Variants in RASGRF2 observed in about 807,000 individuals in gnomAD.
RASGRF2 encodes Ras protein specific guanine nucleotide releasing factor 2, also known as ras-specific guanine nucleotide-releasing factor 2.
In RASGRF2, 76 loss-of-function variants were observed where a neutral mutation model predicts 151.0. The ratio of observed to expected loss-of-function variants is 0.50; its 90% confidence interval spans 0.42 to 0.61. The LOEUF is 0.61. Among genes scored for constraint, RASGRF2 ranks in the 20% least tolerant of loss-of-function variants. RASGRF2 has a pLI of 0.00. For missense variants in RASGRF2, 1,148 were observed against 1,564.6 expected, an observed-to-expected ratio of 0.73 and a Z score of 4.49; for synonymous variants, 504 against 566.5, an observed-to-expected ratio of 0.89 and a Z score of 1.57.
Position 81,112,742 on chromosome 5 carries a change from T to C in RASGRF2, c.1971T>C (p.Leu657=), listed in dbSNP as rs752326830. 1.2e-5 allele frequency: 19 copies of C among 1,614,230 alleles called. No homozygotes were observed. Among genetic ancestry groups the C allele is most frequent in the Non-Finnish European group, 1.6e-5 (19 of 1,180,042 alleles). Residue 657 remains leucine (L), a synonymous_variant, in exon 14 of 27, where the codon CTT becomes CTC. Coordinates refer to ENST00000265080, the MANE Select transcript of RASGRF2 (RefSeq NM_006909.3). The part of the protein sequence containing the change: ...LLERLTDLRF[L]SIDFLNTFLH... Reference sequence around the variant, plus strand: ...AACGACTGACAGACTTGCGGTTTCTTAGTATTGATTTCCTCAACACCTTTC... The same window carrying C: ...AACGACTGACAGACTTGCGGTTTCTCAGTATTGATTTCCTCAACACCTTTC...
intron 17 of RASGRF2, among the ~76,000 whole-genome samples, chr5:81,138,001 G>A (rs376632519): frequency 1.2e-4 from 18 of 152,336 alleles, no homozygotes; most frequent in African/African-American, 4.3e-4. Context: ...CTTGATGTTT[G>A]CTGTAGCTAT....
intron 18 of RASGRF2, among the ~76,000 whole-genome samples, chr5:81,197,462 CAAAAAAAAAAAA>C (rs10674027): frequency 7.8e-5 from 5 of 63,720 alleles, no homozygotes; most frequent in South Asian, 1.6e-3. Flanking sequence ...GACTCCGTCT[CAAAAAAAAAAAA>C]AAAAAAAAAA....
intron 19 of RASGRF2, 80 bp downstream of exon 19, chr5:81,201,522 T>C: frequency 6.9e-7 from 1 of 1,451,998 alleles, no homozygotes; most frequent in Non-Finnish European, 9.4e-7. Context: ...CCAATAAATC[T>C]TAGAATCCTG....
In RASGRF2 at chr5:81,092,781, T is replaced by G; in HGVS notation, c.1391-20T>G. Reference sequence around the variant, plus strand: ...ACAGAATTTTAATTGCTGTGTATTCTTCATTTTTGTAATCACCAGGTTCTC... The same window carrying G: ...ACAGAATTTTAATTGCTGTGTATTCGTCATTTTTGTAATCACCAGGTTCTC... On this transcript the variant is annotated intron_variant, in intron 9 of 26. Transcript: ENST00000265080. The G allele has an allele frequency of 1.2e-6, 2 of 1,603,766 alleles. No homozygotes were observed. The highest frequency in any genetic ancestry group is 1.7e-6 in the Non-Finnish European group (2 of 1,173,876).
intron 14 of RASGRF2, chr5:81,113,335 AG>A: frequency 1.6e-6 from 1 of 640,562 alleles, no homozygotes; most frequent in East Asian, 2.8e-5. Context: ...TTTAGTAGCA[AG>A]GGATTAGACG....
At chr5:81,128,024 T>G (rs1464385452) in intron 17 of RASGRF2, among the ~76,000 whole-genome samples, 2 of 148,914 alleles carry the variant, frequency 1.3e-5, no homozygotes, top group African/African-American at 5.0e-5. Flanking sequence ...TTACCTGAAA[T>G]AAGCCAGGCA....
rs760127236 is a variant in RASGRF2, at chr5:81,092,919, A to G, written c.1509A>G (p.Leu503=). 6.2e-7 allele frequency: 1 copy of G among 1,613,214 alleles called. No individual in the cohort carries two copies. Among genetic ancestry groups the G allele is most frequent in the Non-Finnish European group, 8.5e-7 (1 of 1,179,178 alleles). Residue 503 remains leucine, a synonymous_variant, in exon 10 of 27, where the codon TTA becomes TTG. Transcript: ENST00000265080. ...GCTTCTTATTTACAAAACACTTTTT[A>G]ATATGTACAAGAAGTTCAGGAGGGA... The part of the protein sequence containing the change: ...RQCFLFTKHF[L]ICTRSSGGKL...
At chr5:81,106,660 A>G (rs1291647803) in intron 12 of RASGRF2, among the ~76,000 whole-genome samples, 1 of 152,070 alleles carries the variant, frequency 6.6e-6, no homozygotes, top group Non-Finnish European at 1.5e-5. Flanking sequence ...GTGTATTTTC[A>G]TCAGGTCCTG....
Position 81,216,348 on chromosome 5 carries a change from T to TACACACACACACACAC in RASGRF2, c.3434+398_3434+413dup, listed in dbSNP as rs10648156. On this transcript the variant is annotated intron_variant, in intron 24 of 26. Transcript: ENST00000265080. ...TTTGGTTTCTAGATTATTCCCTTTC[T>TACACACACACACACAC]ACACACACACACACACACACGCACA... Among the ~76,000 whole-genome samples the TACACACACACACACAC allele has an allele frequency of 4.8e-3, 710 of 147,540 alleles. 9 individuals are homozygous for TACACACACACACACAC. The highest frequency in any genetic ancestry group is 4.8e-3 in the Non-Finnish European group (319 of 67,072).
chr5:81,047,901 C>G (rs571025414), intron 2 of RASGRF2, among the ~76,000 whole-genome samples: 2 of 152,198 alleles, frequency 1.3e-5, no homozygotes, highest in African/African-American at 2.4e-5. Flanking sequence ...CACACACACA[C>G]AGTGTGGTAG....
At chr5:81,017,808 CT>C in intron 1 of RASGRF2, among the ~76,000 whole-genome samples, 1 of 151,352 alleles carries the variant, frequency 6.6e-6, no homozygotes, top group South Asian at 2.1e-4. Context: ...AGACTCTAGA[CT>C]TTTCTGGACA....
intron 1 of RASGRF2, among the ~76,000 whole-genome samples, chr5:81,004,011 C>T (rs1749182019): frequency 1.3e-5 from 2 of 152,186 alleles, no homozygotes. Context: ...GGGTGCTAGT[C>T]AGTTGCACAT....
chr5:81,080,502 C>A (rs1296377304), intron 6 of RASGRF2, 94 bp from the exon 7 acceptor site: 1 of 1,301,318 alleles, frequency 7.7e-7, no homozygotes, highest in Non-Finnish European at 1.1e-6. Context: ...ATGTGTGACA[C>A]CTGGTGCTGG....
chr5:80,969,864 TTG>T (rs1747873881), intron 1 of RASGRF2, among the ~76,000 whole-genome samples: 1 of 145,800 alleles, frequency 6.9e-6, no homozygotes, highest in Non-Finnish European at 1.5e-5. Flanking sequence ...TTTGCTCTTG[TTG>T]CCCAGGCTGG....
chr5:81,109,192 T>C (rs1752930230), intron 13 of RASGRF2, 114 bp downstream of exon 13: 1 of 1,431,616 alleles, frequency 7.0e-7, no homozygotes, highest in Middle Eastern at 1.9e-4. Context: ...TGAGAATATG[T>C]TTCTTGACAG....
chr5:80,978,171 AT>A (rs1346052691), intron 1 of RASGRF2, among the ~76,000 whole-genome samples: 1 of 152,194 alleles, frequency 6.6e-6, no homozygotes, highest in South Asian at 2.1e-4. Context: ...CTAAATTGAT[AT>A]TTATGCTTTA....
chr5:81,058,201 G>A (rs907745978), intron 2 of RASGRF2, among the ~76,000 whole-genome samples: 10 of 151,700 alleles, frequency 6.6e-5, no homozygotes, highest in Admixed American at 5.9e-4. Context: ...CCTTTGGCAG[G>A]GGGATCCTTT....
rs575202099 is a variant in RASGRF2, at chr5:81,030,543, C to G, written c.289-12334C>G. 3.9e-5 allele frequency among the ~76,000 whole-genome samples: 6 copies of G among 152,280 alleles called. No individual in the cohort carries two copies. The South Asian group carries it at 1.2e-3, about 32-fold the overall frequency. On this transcript the variant is annotated intron_variant, in intron 1 of 26. Coordinates refer to ENST00000265080, the MANE Select transcript of RASGRF2 (RefSeq NM_006909.3). ...TTTCAACCCAGAATTTCATATCCAG[C>G]CAAACTAAGCTTCATAACTGAAGGA... is the stretch of plus-strand genomic sequence containing the variant.
intron 1 of RASGRF2, among the ~76,000 whole-genome samples, chr5:80,992,783 TAAAAC>T (rs1748696493): frequency 6.6e-6 from 1 of 151,972 alleles, no homozygotes; most frequent in Admixed American, 6.6e-5. Context: ...GATTAAAAAA[TAAAAC>T]AAAATACACA....
Sources: gnomAD v4.1 joint callset for allele counts (sites outside exome capture counted in the v4.1 genomes callset) on GRCh38, gnomAD v4.1.1 for gene constraint, MANE v1.5 for transcripts, NCBI Gene and HGNC (gene_info 2026-07-23, HGNC 2026-07-21) for gene names.